Variants in TOP3A observed in about 807,000 individuals in gnomAD.
TOP3A encodes the protein DNA topoisomerase III alpha.
A neutral mutation model predicts 111.3 loss-of-function variants in TOP3A; 64 were observed. The observed-to-expected ratio is 0.57, with a 90% confidence interval of 0.47 to 0.71. The LOEUF (loss-of-function observed/expected upper bound fraction) is 0.71. TOP3A is among the 30% of genes least tolerant of loss of function. The pLI is 0.00. For synonymous variants in TOP3A, 484 were observed against 485.1 expected, an observed-to-expected ratio of 1.00 and a Z score of 0.03; for missense variants, 1,104 against 1,285.0, an observed-to-expected ratio of 0.86 and a Z score of 2.15.
Position 18,274,656 on chromosome 17 carries a change from C to T in TOP3A, c.*146G>A, listed in dbSNP as rs915176415. ...CCAGAGTGATCTGGACCTTGTGCCCCTTAACACAAGAAGGCCCGACTCCAA... is the reference window on the plus strand; with the variant it reads ...CCAGAGTGATCTGGACCTTGTGCCCTTTAACACAAGAAGGCCCGACTCCAA... On this transcript the variant is annotated 3_prime_UTR_variant, in exon 19 of 19. Coordinates refer to ENST00000321105, the MANE Select transcript of TOP3A (RefSeq NM_004618.5). 7.3e-7 allele frequency: 1 copy of T among 1,375,926 alleles called. No individual in the cohort carries two copies. The allele number at this position is 1,375,926 out of a possible 1,614,324, so 85.2% of individuals were successfully genotyped here. A position where few individuals can be genotyped will look rare whatever the true frequency, so the allele number is the denominator to read the frequency against.
At chr17:18,281,781 A>G (rs996630660) in intron 16 of TOP3A, among the ~76,000 whole-genome samples, 1 of 152,138 alleles carries the variant, frequency 6.6e-6, no homozygotes, top group Non-Finnish European at 1.5e-5. Context: ...CTCCTTTCTT[A>G]TTCAGCAGCA....
chr17:18,289,595 G>A (rs577321259), intron 13 of TOP3A, among the ~76,000 whole-genome samples: 63 of 152,268 alleles, frequency 4.1e-4, no homozygotes, highest in African/African-American at 1.5e-3. Flanking sequence ...GTTTTACCGT[G>A]TTGCCCAAGC....
intron 9 of TOP3A, among the ~76,000 whole-genome samples, chr17:18,298,614 G>C (rs1256091989): frequency 1.3e-5 from 2 of 152,030 alleles, no homozygotes; most frequent in South Asian, 2.1e-4. Flanking sequence ...AATAGAAAGG[G>C]GGGAAGGGTG....
At chr17:18,276,283 C>T (rs1253376676) in intron 18 of TOP3A, among the ~76,000 whole-genome samples, 2 of 152,214 alleles carry the variant, frequency 1.3e-5, no homozygotes, top group East Asian at 3.8e-4. Flanking sequence ...CCTCAACAGG[C>T]CTTTCCAGAC....
At chr17:18,281,288 A>T (rs1267169896) in intron 16 of TOP3A, among the ~76,000 whole-genome samples, 1 of 152,172 alleles carries the variant, frequency 6.6e-6, no homozygotes, top group African/African-American at 2.4e-5. Flanking sequence ...CCCGAACTCC[A>T]ATCATTTAAA....
intron 16 of TOP3A, among the ~76,000 whole-genome samples, chr17:18,282,066 G>A (rs1447289602): frequency 1.3e-5 from 2 of 152,114 alleles, no homozygotes; most frequent in Non-Finnish European, 2.9e-5. Context: ...TTCCTCCAGT[G>A]GCCAGCCACT....
chr17:18,303,628 G>A (rs145786166), intron 5 of TOP3A, among the ~76,000 whole-genome samples: 6 of 152,066 alleles, frequency 3.9e-5, no homozygotes, highest in African/African-American at 7.2e-5. Flanking sequence ...TCTAGCCTAC[G>A]TGCACATCCA....
rs923906691 is a variant in TOP3A at position 18,272,450 on chromosome 17, C to A, written c.*2352G>T. ...GGCATATGCCCAAAATAACTGAAAA[C>A]AAGTCATCAGACACTCATACACCAA... is the stretch of plus-strand genomic sequence containing the variant. On this transcript the variant is annotated 3_prime_UTR_variant, in exon 19 of 19. Coordinates refer to ENST00000321105, the MANE Select transcript of TOP3A (RefSeq NM_004618.5). Among the ~76,000 whole-genome samples the A allele has an allele frequency of 6.6e-6, 1 of 152,220 alleles. No homozygotes were observed. Among genetic ancestry groups the A allele is most frequent in the Non-Finnish European group, 1.5e-5 (1 of 68,034 alleles).
Position 18,314,929 on chromosome 17 carries a change from C to T in TOP3A, c.-151G>A, listed in dbSNP as rs1982166224. On this transcript the variant is annotated 5_prime_UTR_variant, in exon 1 of 19. In the 5' UTR this introduces an upstream ATG that the reference lacks. Transcript: ENST00000321105. ...CTGCTGGCCTTTGGAGCTTCAGTCA[C>T]TGAGCCTTTCCCGTGCCGCAGCCGC... is the stretch of plus-strand genomic sequence containing the variant. The T allele has an allele frequency of 3.4e-6, 1 of 290,956 alleles. No homozygotes were observed. The highest frequency in any genetic ancestry group is 6.4e-6 in the Non-Finnish European group (1 of 157,066). 18.0% of individuals were successfully genotyped at this position (290,956 alleles called of 1,614,324 possible).
chr17:18,292,888 CT>C (rs776373274), intron 10 of TOP3A, 36 bp from the exon 11 acceptor site: 94 of 1,576,672 alleles, frequency 6.0e-5, no homozygotes, highest in Non-Finnish European at 8.0e-5. Flanking sequence ...AAAGAAATTG[CT>C]AGGCTCTCTG....
intron 17 of TOP3A, 129 bp downstream of exon 17, chr17:18,280,407 C>T: frequency 9.4e-7 from 1 of 1,068,054 alleles, no homozygotes; most frequent in Non-Finnish European, 1.3e-6. Flanking sequence ...CTGGCTGCTG[C>T]AGAACACAGC....
intron 11 of TOP3A, 41 bp from the exon 12 acceptor site, chr17:18,291,068 C>A: frequency 1.3e-6 from 2 of 1,597,006 alleles, no homozygotes; most frequent in Non-Finnish European, 1.7e-6. Flanking sequence ...CCTAGAATAT[C>A]ACCTCTCAAG....
intron 10 of TOP3A, among the ~76,000 whole-genome samples, chr17:18,293,924 G>C (rs1165645385): frequency 6.6e-6 from 1 of 152,172 alleles, no homozygotes. Context: ...AGTCACTTAA[G>C]TTACTGAGAT....
chr17:18,282,941 A>C, intron 15 of TOP3A, 100 bp from the exon 16 acceptor site: 1 of 1,490,246 alleles, frequency 6.7e-7, no homozygotes. Context: ...CTTGAGAACC[A>C]GCTGGTCAGT....
rs200944917 is a variant in TOP3A at position 18,305,208 on chromosome 17, G to A, written c.403C>T (p.Arg135Ter). The A allele has an allele frequency of 8.5e-5, 137 of 1,613,900 alleles. No homozygotes were observed. The highest frequency in any genetic ancestry group is 8.9e-5 in the Non-Finnish European group (105 of 1,179,982). ...NFVDIKKTLE[R>*]ETRQCQALVI... ...AGAGCCTGGCACTGGCGAGTCTCTC[G>A]TTCCAAAGTTTTCTTAAGTTCGCAG... is the stretch of plus-strand genomic sequence containing the variant. Residue 135 changes from arginine to a stop codon, truncating the protein, a stop_gained, in exon 5 of 19, where the codon CGA becomes TGA. Coordinates refer to ENST00000321105, the MANE Select transcript of TOP3A (RefSeq NM_004618.5). LOFTEE classifies it high-confidence loss of function.
rs147389173 is a variant in TOP3A at position 18,292,578 on chromosome 17, A to G, written c.1281+67T>C. ...AATCACAGCCCACAGAGTAAATTCAAACCTTACTACTGACCCCCAGCACTT... is the reference window on the plus strand; with the variant it reads ...AATCACAGCCCACAGAGTAAATTCAGACCTTACTACTGACCCCCAGCACTT... On this transcript the variant is annotated intron_variant, in intron 11 of 18. Transcript: ENST00000321105. The G allele has an allele frequency of 9.7e-4, 1,301 of 1,340,666 alleles. 20 individuals carry two copies. In the Admixed American group the frequency reaches 0.015, roughly 16 times the overall value. 83.0% of individuals were successfully genotyped at this position (1,340,666 alleles called of 1,614,324 possible). A position where few individuals can be genotyped will look rare whatever the true frequency, so the allele number is the denominator to read the frequency against.
intron 9 of TOP3A, among the ~76,000 whole-genome samples, chr17:18,296,298 G>T (rs566495885): frequency 6.6e-6 from 1 of 152,120 alleles, no homozygotes; most frequent in East Asian, 1.9e-4. Context: ...TAAAATCAAT[G>T]CAGCTGGGCA....
intron 10 of TOP3A, among the ~76,000 whole-genome samples, chr17:18,294,035 A>G (rs556927046): frequency 6.6e-6 from 1 of 152,206 alleles, no homozygotes; most frequent in Non-Finnish European, 1.5e-5. Flanking sequence ...CAATAGCTGC[A>G]GGCTGGACAG....
intron 11 of TOP3A, among the ~76,000 whole-genome samples, chr17:18,291,755 G>A (rs956477731): frequency 8.6e-5 from 13 of 151,378 alleles, no homozygotes; most frequent in South Asian, 2.1e-4. Flanking sequence ...TCACTCTGTC[G>A]CCAGGCTGGA....
Sources: gnomAD v4.1 joint callset for allele counts (sites outside exome capture counted in the v4.1 genomes callset) on GRCh38, gnomAD v4.1.1 for gene constraint, MANE v1.5 for transcripts, NCBI Gene and HGNC (gene_info 2026-07-23, HGNC 2026-07-21) for gene names.